LRP1B: variants seen among roughly 807,000 people sequenced by gnomAD.
LRP1B encodes low-density lipoprotein receptor-related protein 1B.
Under a neutral mutation model 556.6 loss-of-function variants are expected in LRP1B, and 217 were observed. The ratio of observed to expected loss-of-function variants is 0.39; its 90% CI spans 0.35 to 0.44. The LOEUF is 0.44. Among genes scored for constraint, LRP1B ranks in the 20% least tolerant of loss-of-function variants. LRP1B has a pLI of 1.00. For missense variants in LRP1B, 5,053 were observed against 5,620.8 expected (o/e 0.90, Z 3.23); for synonymous variants, 2,047 against 1,865.8 (o/e 1.10, Z -2.50).
chr2:141,473,988 T>TAGC, intron 3 of LRP1B, among the ~76,000 whole-genome samples: 1 of 150,360 alleles, frequency 6.7e-6, no homozygotes, highest in Middle Eastern at 3.5e-3. Flanking sequence ...TCTTCTTCAG[T>TAGC]AGCTTTACTA....
At chr2:142,070,266 C>A (rs184410214) in intron 1 of LRP1B, among the ~76,000 whole-genome samples, 4 of 151,718 alleles carry the variant, frequency 2.6e-5, no homozygotes, top group African/African-American at 9.7e-5. Flanking sequence ...ACCTACTGCA[C>A]GTCAGCCAGT....
chr2:141,399,771 T>C (rs1690379200), intron 3 of LRP1B, among the ~76,000 whole-genome samples: 1 of 152,192 alleles, frequency 6.6e-6, no homozygotes, highest in Non-Finnish European at 1.5e-5. Flanking sequence ...AGCTATCAGT[T>C]TGGCGAGATA....
At chr2:141,929,334 C>G (rs879702356) in intron 1 of LRP1B, among the ~76,000 whole-genome samples, 1 of 152,062 alleles carries the variant, frequency 6.6e-6, no homozygotes, top group Non-Finnish European at 1.5e-5. Flanking sequence ...CAACAATGCA[C>G]TTCATAGGGT....
chr2:140,571,342 A>G (rs1277644372), intron 43 of LRP1B, among the ~76,000 whole-genome samples: 1 of 151,850 alleles, frequency 6.6e-6, no homozygotes, highest in Non-Finnish European at 1.5e-5. Flanking sequence ...AATACAAAAA[A>G]TGGTAACATT....
chr2:140,587,941 C>T (rs11694089), intron 43 of LRP1B, among the ~76,000 whole-genome samples: 29,813 of 151,862 alleles, frequency 0.2, 3,530 homozygotes, highest in African/African-American at 0.33. Context: ...CCCAATATTT[C>T]TCAAATATGA....
intron 25 of LRP1B, among the ~76,000 whole-genome samples, chr2:140,876,074 G>C (rs191899440): frequency 3.0e-4 from 46 of 151,332 alleles, no homozygotes; most frequent in African/African-American, 1.1e-3. Flanking sequence ...GATAACTTTG[G>C]AGGTTGCGAT....
intron 2 of LRP1B, among the ~76,000 whole-genome samples, chr2:141,700,695 C>T (rs1483042738): frequency 6.6e-6 from 1 of 151,704 alleles, no homozygotes; most frequent in South Asian, 2.1e-4. Context: ...AAACCAGAAT[C>T]CCTTTTCCCA....
At chr2:140,421,725 T>G (rs1685453471) in intron 66 of LRP1B, among the ~76,000 whole-genome samples, 1 of 152,178 alleles carries the variant, frequency 6.6e-6, no homozygotes, top group African/African-American at 2.4e-5. Context: ...CTTTTTAACC[T>G]CTCATCAGCT....
At chr2:140,338,067 C>G (rs192096502) in intron 77 of LRP1B, among the ~76,000 whole-genome samples, 21 of 141,320 alleles carry the variant, frequency 1.5e-4, no homozygotes, top group African/African-American at 6.0e-4. Flanking sequence ...ATTAGAAAAA[C>G]GAAAAAAAAA....
chr2:141,692,396 GA>G (rs1691569904), intron 2 of LRP1B, among the ~76,000 whole-genome samples: 1 of 151,982 alleles, frequency 6.6e-6, no homozygotes, highest in African/African-American at 2.4e-5. Context: ...CAAGGACTTT[GA>G]ATCAACTGTT....
At chr2:141,945,475 G>T (rs1700926225) in intron 1 of LRP1B, among the ~76,000 whole-genome samples, 1 of 151,364 alleles carries the variant, frequency 6.6e-6, no homozygotes, top group African/African-American at 2.4e-5. Flanking sequence ...AATTTTTATA[G>T]AGTATTATCA....
chr2:141,358,278 A>G (rs1462067951), intron 3 of LRP1B, among the ~76,000 whole-genome samples: 2 of 152,218 alleles, frequency 1.3e-5, no homozygotes, highest in East Asian at 3.9e-4. Flanking sequence ...ATTTGGAACA[A>G]TATAGGAAGC....
intron 41 of LRP1B, among the ~76,000 whole-genome samples, chr2:140,615,424 T>G (rs1466015992): frequency 6.6e-6 from 1 of 152,088 alleles, no homozygotes; most frequent in Non-Finnish European, 1.5e-5. Flanking sequence ...GTCTGACCAC[T>G]TGGATAACCC....
chr2:140,761,352 C>T (rs1023673784), intron 35 of LRP1B, among the ~76,000 whole-genome samples: 3 of 152,172 alleles, frequency 2.0e-5, no homozygotes, highest in African/African-American at 7.2e-5. Flanking sequence ...TTGTGATAGG[C>T]AGCCCCTAAT....
intron 2 of LRP1B, among the ~76,000 whole-genome samples, chr2:141,756,544 TACACACACACACAC>T (rs35271250): frequency 9.8e-5 from 14 of 143,352 alleles, no homozygotes; most frequent in Non-Finnish European, 1.4e-4. Context: ...TCTCTCAAAT[TACACACACACACAC>T]ACACACACAC....
chr2:141,257,925 A>T (rs1684540059), intron 3 of LRP1B, among the ~76,000 whole-genome samples: 1 of 152,270 alleles, frequency 6.6e-6, no homozygotes, highest in Non-Finnish European at 1.5e-5. Flanking sequence ...ATATAGTTAA[A>T]AGCATATCAG....
intron 35 of LRP1B, among the ~76,000 whole-genome samples, chr2:140,720,296 T>C (rs1461920564): frequency 6.6e-6 from 1 of 151,986 alleles, no homozygotes; most frequent in East Asian, 1.9e-4. Flanking sequence ...CATATGGTAA[T>C]TTGGTAATGT....
chr2:141,784,669 C>G (rs867207133), intron 2 of LRP1B, among the ~76,000 whole-genome samples: 2 of 151,840 alleles, frequency 1.3e-5, no homozygotes, highest in East Asian at 3.9e-4. Flanking sequence ...TTCAATTTGT[C>G]ACCCCTTTCC....
At chr2:141,979,554 C>T (rs79821519) in intron 1 of LRP1B, among the ~76,000 whole-genome samples, 2,144 of 152,118 alleles carry the variant, frequency 0.014, 52 homozygotes, top group African/African-American at 0.048. Flanking sequence ...AAGAAAAGCA[C>T]CCTTGTTCCC....
Sources: allele counts gnomAD v4.1 joint callset (sites outside exome capture counted in the v4.1 genomes callset), GRCh38; gene constraint gnomAD v4.1.1; transcripts MANE v1.5; gene names NCBI Gene and HGNC (gene_info 2026-07-23, HGNC 2026-07-21).